AGL: variants seen among roughly 807,000 people sequenced by gnomAD.
The protein encoded by AGL is amylo-alpha-1,6-glucosidase and 4-alpha-glucanotransferase.
In AGL, 128 loss-of-function variants were observed where a neutral mutation model predicts 199.3. The ratio of observed to expected loss-of-function variants is 0.64; its 90% CI spans 0.56 to 0.74. AGL has a LOEUF of 0.74. AGL is among the 30% of genes least tolerant of loss of function. The pLI, the probability that AGL is intolerant of heterozygous loss-of-function variation, is 0.00. For synonymous variants in AGL, 584 were observed against 594.7 expected (o/e 0.98, Z 0.26); for missense variants, 1,809 against 1,820.8 (o/e 0.99, Z 0.12).
At chr1:99,857,578 GGCTGGTGGATCACTC>G (rs1255908686) in intron 2 of AGL, among the ~76,000 whole-genome samples, 4 of 151,918 alleles carry the variant, frequency 2.6e-5, no homozygotes, top group African/African-American at 7.3e-5. Context: ...AGGAGGCCGA[GGCTGGTGGATCACTC>G]GCGGTTAGGA....
chr1:99,918,286 C>T (rs911941320), intron 33 of AGL, among the ~76,000 whole-genome samples: 3 of 152,182 alleles, frequency 2.0e-5, no homozygotes, highest in Non-Finnish European at 1.5e-5. Context: ...TTCATTTCAA[C>T]GTTGTAGTTT....
intron 20 of AGL, 152 bp downstream of exon 20, chr1:99,884,855 T>A: frequency 1.1e-6 from 1 of 926,664 alleles, no homozygotes; most frequent in East Asian, 2.5e-5. Flanking sequence ...GTTAACATTT[T>A]ACCCTATTGT....
chr1:99,872,339 G>C (rs1418065552), intron 7 of AGL, among the ~76,000 whole-genome samples: 1 of 151,994 alleles, frequency 6.6e-6, no homozygotes, highest in Non-Finnish European at 1.5e-5. Context: ...ATGTTTACTT[G>C]CTTATGTGAG....
intron 2 of AGL, among the ~76,000 whole-genome samples, chr1:99,858,610 A>G (rs936129258): frequency 3.3e-5 from 5 of 152,216 alleles, no homozygotes; most frequent in African/African-American, 9.6e-5. Context: ...CATTTTGAAT[A>G]TATATTTTTA....
At chr1:99,903,670 C>T (rs1330204376) in intron 27 of AGL, among the ~76,000 whole-genome samples, 1 of 152,142 alleles carries the variant, frequency 6.6e-6, no homozygotes, top group African/African-American at 2.4e-5. Flanking sequence ...ATTGCTGGGT[C>T]AAATGGTATT....
intron 14 of AGL, 87 bp downstream of exon 14, chr1:99,880,882 T>C: frequency 6.8e-7 from 1 of 1,461,312 alleles, no homozygotes; most frequent in Admixed American, 1.7e-5. Context: ...CATACCCATA[T>C]ACTTCAAAAT....
At chr1:99,851,228 C>A in intron 2 of AGL, 104 bp downstream of exon 2, 1 of 1,080,136 alleles carries the variant, frequency 9.3e-7, no homozygotes, top group Non-Finnish European at 1.4e-6. Context: ...ATATTATTTC[C>A]AAGGGTCTAA....
At chr1:99,880,948 G>T (rs1651964773) in intron 14 of AGL, 128 bp from the exon 15 acceptor site, 1 of 1,263,496 alleles carries the variant, frequency 7.9e-7, no homozygotes, top group East Asian at 2.5e-5. Flanking sequence ...TGTTTTACTT[G>T]TTTAAAAGCA....
Position 99,884,379 on chromosome 1 carries a change from C to A in AGL, c.2474C>A (p.Thr825Lys). 6.2e-7 allele frequency: 1 copy of A among 1,612,722 alleles called. No individual in the cohort carries two copies. Among genetic ancestry groups the A allele is most frequent in the Non-Finnish European group, 8.5e-7 (1 of 1,179,438 alleles). ...SKIVKQAGVATKGPNEYIQEI... is the reference protein window; with the variant it reads ...SKIVKQAGVAKKGPNEYIQEI... ...ATTGTTAAACAAGCTGGAGTTGCCACAAAAGGGCCCAATGAATATATTCAA... is the reference window on the plus strand; with the variant it reads ...ATTGTTAAACAAGCTGGAGTTGCCAAAAAAGGGCCCAATGAATATATTCAA... Residue 825 changes from threonine (T) to lysine (K), a missense_variant, in exon 19 of 34, where the codon ACA (threonine) becomes AAA (lysine). Transcript: ENST00000361915.
intron 28 of AGL, among the ~76,000 whole-genome samples, chr1:99,911,927 A>T (rs142674529): frequency 7.7e-4 from 117 of 152,310 alleles, no homozygotes; most frequent in African/African-American, 2.8e-3. Flanking sequence ...TACAAAAAAT[A>T]ATTAATAAAT....
chr1:99,890,520 T>C (rs1442965794), intron 21 of AGL, among the ~76,000 whole-genome samples: 1 of 152,192 alleles, frequency 6.6e-6, no homozygotes, highest in Non-Finnish European at 1.5e-5. Flanking sequence ...CAATTCTAAA[T>C]AGATAAATAA....
intron 27 of AGL, among the ~76,000 whole-genome samples, chr1:99,908,171 ATTGAG>A (rs1293762849): frequency 6.6e-6 from 1 of 151,088 alleles, no homozygotes; most frequent in Admixed American, 6.6e-5. Flanking sequence ...TTTGATCCAT[ATTGAG>A]TTAATTTTTG....
At chr1:99,850,903 G>A in intron 1 of AGL, 72 bp from the exon 2 acceptor site, 2 of 765,598 alleles carry the variant, frequency 2.6e-6, no homozygotes, top group Non-Finnish European at 4.7e-6. Flanking sequence ...GAACATGTAA[G>A]TGCCGCTGTC....
In AGL at chr1:99,878,795, A is replaced by G. The variant is rs559421197; in HGVS notation, c.1611+967A>G. Among the ~76,000 whole-genome samples, 3 of 152,308 alleles carry G rather than the reference A, an allele frequency of 2.0e-5. No individual in the cohort carries two copies. In the South Asian group the frequency reaches 6.2e-4, roughly 32 times the overall value. On this transcript the variant is annotated intron_variant, in intron 12 of 33. Transcript: ENST00000361915. ...TTTGATTTGGAGGGATTTAGTGAAT[A>G]TTAGTTAAGCTGGTAGAACATTGTT...
upstream of AGL, chr1:99,849,961 G>A (rs1648799677): frequency 6.6e-6 from 1 of 152,346 alleles, no homozygotes; most frequent in Admixed American, 6.5e-5. Flanking sequence ...CCAGGGCAAG[G>A]AGAAAGCGCC....
chr1:99,918,522 C>CTATCTT (rs1467926043), intron 33 of AGL, among the ~76,000 whole-genome samples: 1 of 152,058 alleles, frequency 6.6e-6, no homozygotes, highest in Non-Finnish European at 1.5e-5. Context: ...AGGGGTCTTG[C>CTATCTT]TATCTTGCCC....
At chr1:99,903,914 G>T (rs1309311473) in intron 27 of AGL, among the ~76,000 whole-genome samples, 1 of 152,060 alleles carries the variant, frequency 6.6e-6, no homozygotes, top group African/African-American at 2.4e-5. Flanking sequence ...TCATGTGTCT[G>T]TTGGCTGCAT....
In AGL at chr1:99,921,669, G is replaced by T; in HGVS notation, c.*18G>T. ...ATTTATAGTTTATTACAGATATTAA[G>T]TATGCAATTACTTGTATTATAGGAT... On this transcript the variant is annotated 3_prime_UTR_variant, in exon 34 of 34. Transcript: ENST00000361915. 6.5e-7 allele frequency: 1 copy of T among 1,537,106 alleles called. No homozygotes were observed. The highest frequency in any genetic ancestry group is 9.0e-7 in the Non-Finnish European group (1 of 1,111,298).
intron 25 of AGL, among the ~76,000 whole-genome samples, chr1:99,897,045 G>A (rs1295507840): frequency 2.0e-5 from 3 of 152,160 alleles, no homozygotes; most frequent in South Asian, 4.1e-4. Flanking sequence ...TTGAACTCCC[G>A]ACCTTGTGAT....
Sources: allele counts gnomAD v4.1 joint callset (sites outside exome capture counted in the v4.1 genomes callset), GRCh38; gene constraint gnomAD v4.1.1; transcripts MANE v1.5; gene names NCBI Gene and HGNC (gene_info 2026-07-23, HGNC 2026-07-21).